The following STAM2 variants were observed in gnomAD, a reference collection of about 807,000 sequenced individuals.
STAM2 encodes signal transducing adapter molecule 2.
A neutral mutation model predicts 65.6 loss-of-function variants in STAM2; 51 were observed. The observed-to-expected ratio is 0.78, with a 90% confidence interval of 0.62 to 0.98. STAM2 has a LOEUF of 0.98. Ranked by LOEUF, STAM2 falls within the 50% of genes least tolerant of loss-of-function variation. STAM2 has a pLI of 0.00. For missense variants in STAM2, 584 were observed against 617.8 expected (o/e 0.95, Z 0.58); for synonymous variants, 198 against 208.4 (o/e 0.95, Z 0.43).
chr2:152,129,234 C>T (rs538686681), intron 11 of STAM2, among the ~76,000 whole-genome samples: 90 of 152,246 alleles, frequency 5.9e-4, no homozygotes, highest in African/African-American at 2.1e-3. Context: ...GCCTCCTTGA[C>T]CTCCCAGGCT....
intron 1 of STAM2, 68 bp downstream of exon 1, chr2:152,175,535 T>G: frequency 6.2e-7 from 1 of 1,603,404 alleles, no homozygotes; most frequent in East Asian, 2.2e-5. Context: ...TACCGCCCAC[T>G]TTCTAGCCGG....
In STAM2 at chr2:152,148,224, CAGTT is replaced by C. The variant is rs1397005429; in HGVS notation, c.198_201del (p.Thr67PhefsTer15). ...CAAATAATAACATGCCTTGTACTCA[CAGTT>C]AGTGCTTGCAGAGCAACATGTGGAA... is the stretch of plus-strand genomic sequence containing the variant. On this transcript the variant is annotated frameshift_variant and splice_region_variant, in exon 3 of 14. Coordinates refer to ENST00000263904, the MANE Select transcript of STAM2 (RefSeq NM_005843.6). LOFTEE classifies it high-confidence loss of function. 5 of 1,609,256 alleles carry C rather than the reference CAGTT, an allele frequency of 3.1e-6. No individual in the cohort carries two copies. The highest frequency in any genetic ancestry group is 1.7e-5 in the Admixed American group (1 of 59,490).
In STAM2 at chr2:152,143,924, C is replaced by G. The variant is rs760827264; in HGVS notation, c.607G>C (p.Val203Leu). The G allele has an allele frequency of 6.2e-7, 1 of 1,613,764 alleles. No individual in the cohort carries two copies. Among genetic ancestry groups the G allele is most frequent in the Admixed American group, 1.7e-5 (1 of 60,012 alleles). Reference sequence around the variant, plus strand: ...TATAAAGCTCTCACTTTCCGTGCAACCTTATTATTTAACTGAATTTCTGAA... The same window carrying G: ...TATAAAGCTCTCACTTTCCGTGCAAGCTTATTATTTAACTGAATTTCTGAA... Reference protein sequence around the residue: ...PSSEIQLNNKVARKVRALYDF... With the variant: ...PSSEIQLNNKLARKVRALYDF... Residue 203 changes from valine (V) to leucine (L), a missense_variant, in exon 7 of 14, where the codon GTT becomes CTT. Physicochemically the swap from Val to Leu is conservative, Grantham distance 32. Coordinates refer to ENST00000263904, the MANE Select transcript of STAM2 (RefSeq NM_005843.6).
intron 1 of STAM2, among the ~76,000 whole-genome samples, chr2:152,156,054 T>A (rs573007379): frequency 6.6e-6 from 1 of 152,262 alleles, no homozygotes; most frequent in Admixed American, 6.5e-5. Flanking sequence ...ACCTACCTAG[T>A]CCAGCTAGAA....
At chr2:152,124,792 A>G (rs568938263) in intron 12 of STAM2, 1 of 152,338 alleles carries the variant, frequency 6.6e-6, no homozygotes, top group South Asian at 2.1e-4. Flanking sequence ...GACATGTAAC[A>G]ATCTACTGAC....
At chr2:152,126,805 C>A in intron 11 of STAM2, among the ~76,000 whole-genome samples, 1 of 152,208 alleles carries the variant, frequency 6.6e-6, no homozygotes, top group East Asian at 1.9e-4. Context: ...AACTTTGTAA[C>A]TTCAGCCTCT....
intron 1 of STAM2, among the ~76,000 whole-genome samples, chr2:152,160,749 T>C (rs191529620): frequency 0.64 from 85,398 of 133,738 alleles, 27,216 homozygotes; most frequent in East Asian, 0.86. Context: ...AGGTGAGGGG[T>C]GCCTCTGCCC....
intron 7 of STAM2, among the ~76,000 whole-genome samples, chr2:152,139,509 T>G (rs1263887455): frequency 6.6e-6 from 1 of 152,158 alleles, no homozygotes; most frequent in East Asian, 1.9e-4. Flanking sequence ...CGTGCTATGC[T>G]CACGCCTGTG....
intron 2 of STAM2, among the ~76,000 whole-genome samples, chr2:152,149,116 ATTATAT>A (rs1402282042): frequency 6.6e-6 from 1 of 152,096 alleles, no homozygotes; most frequent in Admixed American, 6.5e-5. Flanking sequence ...TTGTTAATCT[ATTATAT>A]TTATATGTAT....
intron 11 of STAM2, among the ~76,000 whole-genome samples, chr2:152,127,638 C>G (rs549642043): frequency 6.6e-6 from 1 of 150,576 alleles, no homozygotes; most frequent in African/African-American, 2.4e-5. Context: ...CCTTGAAAAT[C>G]CAAGTAAAAA....
chr2:152,159,585 G>A (rs67622277), intron 1 of STAM2, among the ~76,000 whole-genome samples: 22,859 of 152,008 alleles, frequency 0.15, 2,638 homozygotes, highest in East Asian at 0.58. Context: ...TCTCCTGAGC[G>A]TCCCTCATGA....
At chr2:152,171,781 G>A (rs768727147) in intron 1 of STAM2, among the ~76,000 whole-genome samples, 1 of 152,218 alleles carries the variant, frequency 6.6e-6, no homozygotes, top group East Asian at 1.9e-4. Flanking sequence ...GGACACAAGC[G>A]TATCTTTAAA....
rs577718667 is a variant in STAM2 at position 152,168,699 on chromosome 2, T to C, written c.40+6904A>G. ...GTGAAACAAAAATAAAATTATAATG[T>C]CTTTTCTCTTACATCCTAAAAACCT... is the stretch of plus-strand genomic sequence containing the variant. On this transcript the variant is annotated intron_variant, in intron 1 of 13. Transcript: ENST00000263904. Among the ~76,000 whole-genome samples the C allele has an allele frequency of 9.8e-5, 15 of 152,342 alleles. No individual in the cohort carries two copies. The South Asian group carries it at 2.9e-3, about 29-fold the overall frequency.
At chr2:152,163,947 A>G (rs186577726) in intron 1 of STAM2, among the ~76,000 whole-genome samples, 58 of 152,180 alleles carry the variant, frequency 3.8e-4, no homozygotes, top group African/African-American at 1.3e-3. Flanking sequence ...ATATGTGCAC[A>G]GCTGAACACA....
intron 8 of STAM2, among the ~76,000 whole-genome samples, 164 bp from the exon 9 acceptor site, chr2:152,133,648 G>C (rs879592941): frequency 1.3e-5 from 2 of 151,960 alleles, no homozygotes; most frequent in Non-Finnish European, 2.9e-5. Flanking sequence ...ACATACGTTT[G>C]GTCATTTATT....
intron 1 of STAM2, among the ~76,000 whole-genome samples, chr2:152,158,312 T>C (rs1039092950): frequency 6.6e-6 from 1 of 151,942 alleles, no homozygotes; most frequent in Non-Finnish European, 1.5e-5. Context: ...CCGTTTCCAC[T>C]AAAAATACAA....
chr2:152,119,290 G>T lies in STAM2; in HGVS notation c.*1284C>A, dbSNP rs1688806377. 6.6e-6 allele frequency: 1 copy of T among 152,148 alleles called. No homozygotes were observed. 9.4% of individuals were successfully genotyped at this position (152,148 alleles called of 1,614,324 possible). A position where few individuals can be genotyped will look rare whatever the true frequency, so the allele number is the denominator to read the frequency against. On this transcript the variant is annotated 3_prime_UTR_variant, in exon 14 of 14. Transcript: ENST00000263904. ...ACTGGTTTACTACCAAACTCTCACA[G>T]TTATATAGAATCTATTAGCACTATA...
chr2:152,144,211 A>T (rs1207613600), intron 6 of STAM2, among the ~76,000 whole-genome samples, 198 bp from the exon 7 acceptor site: 1 of 152,046 alleles, frequency 6.6e-6, no homozygotes. Flanking sequence ...ATTCTTTATT[A>T]TCACGGTCTG....
intron 13 of STAM2, among the ~76,000 whole-genome samples, chr2:152,121,548 A>G (rs1425785843): frequency 6.6e-6 from 1 of 152,112 alleles, no homozygotes; most frequent in Non-Finnish European, 1.5e-5. Context: ...CTCTGTAAAC[A>G]TCCTTCAAGC....
Sources: allele counts gnomAD v4.1 joint callset (sites outside exome capture counted in the v4.1 genomes callset), GRCh38; gene constraint gnomAD v4.1.1; transcripts MANE v1.5; gene names NCBI Gene and HGNC (gene_info 2026-07-23, HGNC 2026-07-21).